The following SMAD2 variants were observed in gnomAD, a reference collection of about 807,000 sequenced individuals.
SMAD2 encodes the protein SMAD family member 2.
SMAD2 carries 8 observed loss-of-function variants against 64.4 expected under a neutral mutation model. That is an observed-to-expected ratio of 0.12 (90% CI 0.07 to 0.22). The LOEUF is 0.22. Among genes scored for constraint, SMAD2 ranks in the 10% least tolerant of loss-of-function variants. The probability of loss-of-function intolerance (pLI) is 1.00; values close to 1 mark genes in which losing one functional copy is unlikely to be tolerated. For missense variants in SMAD2, 289 were observed against 561.2 expected (o/e 0.51, Z 4.90); for synonymous variants, 203 against 195.8 (o/e 1.04, Z -0.31).
In SMAD2 at chr18:47,823,198, C is replaced by T. The variant is rs1162681971; in HGVS notation, c.*18629G>A. ...ATCATTTCCTGGCAGGCCCAGGAAC[C>T]TTAAAACTATAGGTAAAATCTAAAG... On this transcript the variant is annotated 3_prime_UTR_variant, in exon 11 of 11. Coordinates refer to ENST00000262160, the MANE Select transcript of SMAD2 (RefSeq NM_005901.6). 2 of 152,106 alleles carry T rather than the reference C, an allele frequency of 1.3e-5. No individual in the cohort carries two copies. Among genetic ancestry groups the T allele is most frequent in the Non-Finnish European group, 2.9e-5 (2 of 68,030 alleles). The allele number at this position is 152,106 out of a possible 1,614,324, so 9.4% of individuals were successfully genotyped here.
intron 6 of SMAD2, among the ~76,000 whole-genome samples, chr18:47,855,940 T>G (rs1437952523): frequency 6.6e-6 from 1 of 152,132 alleles, no homozygotes; most frequent in Non-Finnish European, 1.5e-5. Context: ...TTATTCACAA[T>G]AGCAAAGATA....
chr18:47,909,654 C>T (rs902624715), intron 1 of SMAD2, among the ~76,000 whole-genome samples: 2 of 152,144 alleles, frequency 1.3e-5, no homozygotes, highest in Admixed American at 1.3e-4. Flanking sequence ...GACCTCCAAT[C>T]CTTGAAGGGA....
At chr18:47,930,055 A>G (rs2034936392) in intron 1 of SMAD2, among the ~76,000 whole-genome samples, 1 of 152,220 alleles carries the variant, frequency 6.6e-6, no homozygotes, top group Non-Finnish European at 1.5e-5. Flanking sequence ...TCCTGAAACA[A>G]GAGCTCTGGC....
Position 47,828,799 on chromosome 18 carries a change from G to A in SMAD2, c.*13028C>T. 1 of 179,230 alleles carries A rather than the reference G, an allele frequency of 5.6e-6. No individual in the cohort carries two copies. The highest frequency in any genetic ancestry group is 1.1e-5 in the Non-Finnish European group (1 of 90,172). The allele number at this position is 179,230 out of a possible 1,614,324, so 11.1% of individuals were successfully genotyped here. A position where few individuals can be genotyped will look rare whatever the true frequency, so the allele number is the denominator to read the frequency against. On this transcript the variant is annotated 3_prime_UTR_variant, in exon 11 of 11. Transcript: ENST00000262160. Reference sequence around the variant, plus strand: ...ACCCAGGGACACAAACACTGCAGAAGGCCGCAGGGTCCTCTGCCTAGGAAA... The same window carrying A: ...ACCCAGGGACACAAACACTGCAGAAAGCCGCAGGGTCCTCTGCCTAGGAAA...
At chr18:47,881,202 T>A (rs1468426087) in intron 2 of SMAD2, among the ~76,000 whole-genome samples, 1 of 152,202 alleles carries the variant, frequency 6.6e-6, no homozygotes, top group Admixed American at 6.5e-5. Flanking sequence ...AGTTTGTTAT[T>A]GAGGGAGTGT....
chr18:47,879,528 G>GTGTGTGT (rs1555653713), intron 2 of SMAD2, among the ~76,000 whole-genome samples: 8 of 151,124 alleles, frequency 5.3e-5, no homozygotes, highest in Middle Eastern at 6.8e-3. Flanking sequence ...GTGTGTGTGT[G>GTGTGTGT]GAGTCGTTTT....
intron 1 of SMAD2, among the ~76,000 whole-genome samples, chr18:47,912,928 CTT>C (rs549054968): frequency 7.3e-6 from 1 of 137,180 alleles, no homozygotes; most frequent in Non-Finnish European, 1.6e-5. Context: ...TTCTGTAACA[CTT>C]TTTTTTTTTG....
intron 7 of SMAD2, among the ~76,000 whole-genome samples, chr18:47,850,572 T>TTATATGTTATATATATAA (rs1915287412): frequency 9.0e-4 from 36 of 39,930 alleles, no homozygotes; most frequent in Non-Finnish European, 1.1e-3. Context: ...ATAATATATA[T>TTATATGTTATATATATAA]TATATATTAT....
intron 2 of SMAD2, chr18:47,878,533 G>A (rs2032398643): frequency 6.6e-6 from 1 of 152,182 alleles, no homozygotes; most frequent in Non-Finnish European, 1.5e-5. Flanking sequence ...GGGAGGCTGA[G>A]GCAGGAGGAT....
intron 2 of SMAD2, among the ~76,000 whole-genome samples, chr18:47,890,892 A>T (rs1258509944): frequency 1.3e-5 from 2 of 152,244 alleles, no homozygotes; most frequent in African/African-American, 4.8e-5. Flanking sequence ...CTGGTTACCT[A>T]GAGAAGCAAA....
chr18:47,882,041 C>CTTTT (rs71162900), intron 2 of SMAD2, among the ~76,000 whole-genome samples: 1,509 of 38,844 alleles, frequency 0.039, 416 homozygotes, highest in Non-Finnish European at 0.054. Context: ...CCACGCTTGG[C>CTTTT]TTTTTTTTTT....
In SMAD2 at chr18:47,812,774, A is replaced by AT. The variant is rs1467915570; in HGVS notation, c.*29052dup. 6.6e-6 allele frequency: 1 copy of AT among 152,226 alleles called. No homozygotes were observed. Among genetic ancestry groups the AT allele is most frequent in the Non-Finnish European group, 1.5e-5 (1 of 68,066 alleles). The allele number at this position is 152,226 out of a possible 1,614,324, so 9.4% of individuals were successfully genotyped here. A position where few individuals can be genotyped will look rare whatever the true frequency, so the allele number is the denominator to read the frequency against. On this transcript the variant is annotated 3_prime_UTR_variant, in exon 11 of 11. Transcript: ENST00000262160. ...CACTCGCTATTCCAAGGTTCCTTTCATGAGTGTCCATGTCACTGTCTCCCC... is the reference window on the plus strand; with the variant it reads ...CACTCGCTATTCCAAGGTTCCTTTCATTGAGTGTCCATGTCACTGTCTCCCC...
chr18:47,895,957 A>G (rs1053240590), intron 2 of SMAD2, among the ~76,000 whole-genome samples: 1 of 152,242 alleles, frequency 6.6e-6, no homozygotes, highest in Non-Finnish European at 1.5e-5. Flanking sequence ...ACTTATCTGT[A>G]AATGATTAAA....
intron 2 of SMAD2, among the ~76,000 whole-genome samples, chr18:47,885,182 C>T (rs961771149): frequency 1.4e-4 from 20 of 139,970 alleles, no homozygotes; most frequent in South Asian, 2.3e-4. Flanking sequence ...CACACACACA[C>T]ATATACCCTC....
chr18:47,926,552 T>C (rs1246288925), intron 1 of SMAD2, among the ~76,000 whole-genome samples: 1 of 151,930 alleles, frequency 6.6e-6, no homozygotes, highest in Non-Finnish European at 1.5e-5. Context: ...GTACCCATAA[T>C]CTACTTGTTT....
chr18:47,910,246 A>G (rs2034074699), intron 1 of SMAD2, among the ~76,000 whole-genome samples: 1 of 151,954 alleles, frequency 6.6e-6, no homozygotes, highest in African/African-American at 2.4e-5. Context: ...GGGCTAACAG[A>G]CTCCACACAT....
chr18:47,856,976 G>C (rs1423417205), intron 6 of SMAD2, among the ~76,000 whole-genome samples: 2 of 148,496 alleles, frequency 1.3e-5, no homozygotes, highest in Non-Finnish European at 3.0e-5. Context: ...TCCTGCCTCA[G>C]CCTCCCAAGT....
intron 5 of SMAD2, among the ~76,000 whole-genome samples, chr18:47,866,533 T>C (rs1486856575): frequency 6.6e-6 from 1 of 152,084 alleles, no homozygotes; most frequent in Non-Finnish European, 1.5e-5. Flanking sequence ...GTACATATTA[T>C]GCATATTTTA....
At chr18:47,846,673 G>T (rs891295314) in intron 8 of SMAD2, among the ~76,000 whole-genome samples, 4 of 152,154 alleles carry the variant, frequency 2.6e-5, no homozygotes, top group African/African-American at 9.7e-5. Context: ...GCATCTAGGA[G>T]CTGAATTCTG....
Sources: gnomAD v4.1 joint callset for allele counts (sites outside exome capture counted in the v4.1 genomes callset) on GRCh38, gnomAD v4.1.1 for gene constraint, MANE v1.5 for transcripts, NCBI Gene and HGNC (gene_info 2026-07-23, HGNC 2026-07-21) for gene names.